The following GMNC variants were observed in gnomAD, a reference collection of about 807,000 sequenced individuals.
GMNC encodes geminin coiled-coil domain containing, also known as geminin coiled-coil domain-containing protein 1.
In GMNC, 16 loss-of-function variants were observed where a neutral mutation model predicts 33.6. The ratio of observed to expected loss-of-function variants is 0.48; its 90% CI spans 0.32 to 0.72. GMNC has a LOEUF of 0.72. Among genes scored for constraint, GMNC ranks in the 30% least tolerant of loss-of-function variants. The pLI, the probability that GMNC is intolerant of heterozygous loss-of-function variation, is 0.03. For missense variants in GMNC, 393 were observed against 388.9 expected (o/e 1.01, Z -0.09); for synonymous variants, 156 against 147.3 (o/e 1.06, Z -0.43).
At position 190,860,776 on chromosome 3, in the gene GMNC, G is replaced by T. The variant is rs920461451; in HGVS notation, c.86C>A (p.Ser29Tyr). ...NCPYSTTTSE[S>Y]SVDVSTETWV... ...AGTCTCCGTGGAAACGTCAACACTA[G>T]ATTCTGACGTTGTAGTGGAATACGG... Residue 29 changes from serine (S) to tyrosine (Y), a missense_variant, in exon 2 of 5, where the codon TCT becomes TAT. By Grantham distance (144) the Ser-to-Tyr change is moderately radical (BLOSUM62 -2). Transcript: ENST00000442080. The T allele has an allele frequency of 3.9e-6, 6 of 1,550,792 alleles. No homozygotes were observed. The highest frequency in any genetic ancestry group is 2.7e-5 in the African/African-American group (2 of 72,986).
intron 4 of GMNC, 88 bp downstream of exon 4, chr3:190,857,695 C>A: frequency 1.4e-6 from 1 of 701,864 alleles, no homozygotes; most frequent in Non-Finnish European, 2.6e-6. Context: ...TCAAGATACA[C>A]TGTTTAATCA....
chr3:190,845,964 A>C, the GMNC span, among the ~76,000 whole-genome samples: 2 of 152,330 alleles, frequency 1.3e-5, no homozygotes, highest in Non-Finnish European at 2.9e-5. Flanking sequence ...ACTGTGGCTC[A>C]TGCCTGTAAT....
At chr3:190,848,178 G>C (rs550863571), downstream of GMNC, among the ~76,000 whole-genome samples, 1 of 152,128 alleles carries the variant, frequency 6.6e-6, no homozygotes, top group Admixed American at 6.5e-5. Context: ...TGACTCTTTT[G>C]GATTTGATAT....
chr3:190,855,825 C>G lies in GMNC; in HGVS notation c.475G>C (p.Glu159Gln), dbSNP rs1271028386. The change falls in exon 5 of 5, where the codon GAG (glutamate) becomes CAG (glutamine). Residue 159 changes from glutamate (E) to glutamine (Q), a missense_variant. Glu to Gln is a conservative substitution (Grantham distance 29). Coordinates refer to ENST00000442080, the MANE Select transcript of GMNC (RefSeq NM_001146686.3). ...KSKEQRYSPA[E>Q]IPHPKNAKRN... Reference sequence around the variant, plus strand: ...TTGGCATTTTTGGGATGGGGAATCTCAGCAGGAGAGTATCTTTGCTCTTTG... The same window carrying G: ...TTGGCATTTTTGGGATGGGGAATCTGAGCAGGAGAGTATCTTTGCTCTTTG... 6.4e-7 allele frequency: 1 copy of G among 1,551,258 alleles called. No homozygotes were observed. The highest frequency in any genetic ancestry group is 1.4e-5 in the African/African-American group (1 of 73,004).
chr3:190,857,626 A>G (rs1226531829), intron 4 of GMNC, among the ~76,000 whole-genome samples, 157 bp downstream of exon 4: 1 of 152,174 alleles, frequency 6.6e-6, no homozygotes, highest in East Asian at 1.9e-4. Context: ...GATAGATAAA[A>G]ATTCTTGTGA....
Position 190,858,918 on chromosome 3 carries a change from TTACACA to T in GMNC, c.267+4_267+9del. 1 of 1,516,590 alleles carries T rather than the reference TTACACA, an allele frequency of 6.6e-7. No homozygotes were observed. The highest frequency in any genetic ancestry group is 9.0e-7 in the Non-Finnish European group (1 of 1,115,652). 93.9% of individuals were successfully genotyped at this position (1,516,590 alleles called of 1,614,324 possible). ...ACATGACCAGTCTCAATGTTCTGAC[TTACACA>T]TACCTGCTTATTTCTGTAGAGCTGA... On this transcript the variant is annotated splice_donor_5th_base_variant and intron_variant, in intron 3 of 4. Coordinates refer to ENST00000442080, the MANE Select transcript of GMNC (RefSeq NM_001146686.3).
Position 190,854,982 on chromosome 3 carries a change from TGTATCTAG to T in GMNC, c.*305_*312del, listed in dbSNP as rs1737699979. 7 of 247,972 alleles carry T rather than the reference TGTATCTAG, an allele frequency of 2.8e-5. No individual in the cohort carries two copies. In the South Asian group the frequency reaches 6.2e-4, roughly 22 times the overall value. 15.4% of individuals were successfully genotyped at this position (247,972 alleles called of 1,614,324 possible). On this transcript the variant is annotated 3_prime_UTR_variant, in exon 5 of 5. Coordinates refer to ENST00000442080, the MANE Select transcript of GMNC (RefSeq NM_001146686.3). ...GTTAAACTGGTTAAAATTGGAAAAA[TGTATCTAG>T]GTCTTAAAGGAATATAGAAGTGAGT...
rs1203592733 is a variant in GMNC, at chr3:190,853,692, G to A, written c.*1603C>T. ...GTGGAAAAGAGAAAAATGAGAACAG[G>A]TTTCAACATGAAAGATTTCATCATT... On this transcript the variant is annotated 3_prime_UTR_variant, in exon 5 of 5. Transcript: ENST00000442080. The A allele has an allele frequency of 6.6e-6, 1 of 151,932 alleles. No homozygotes were observed. The highest frequency in any genetic ancestry group is 1.5e-5 in the Non-Finnish European group (1 of 67,978). The allele number at this position is 151,932 out of a possible 1,614,324, so 9.4% of individuals were successfully genotyped here.
Position 190,855,446 on chromosome 3 carries a change from T to A in GMNC, c.854A>T (p.His285Leu). The A allele has an allele frequency of 1.3e-6, 2 of 1,552,046 alleles. No homozygotes were observed. The highest frequency in any genetic ancestry group is 2.4e-5 in the South Asian group (2 of 84,052). Residue 285 changes from histidine to leucine, a missense_variant, in exon 5 of 5, where the codon CAT becomes CTT. His to Leu is a moderately conservative substitution (Grantham distance 99, BLOSUM62 -3). Coordinates refer to ENST00000442080, the MANE Select transcript of GMNC (RefSeq NM_001146686.3). ...GLKTLPYYTA[H>L]VSPNKTEMAF... ...CATCTCTGTCTTGTTGGGTGACACA[T>A]GAGCAGTATAGTAAGGAAGAGTTTT...
downstream of GMNC, among the ~76,000 whole-genome samples, chr3:190,850,129 T>C (rs1443140866): frequency 1.3e-5 from 2 of 152,210 alleles, no homozygotes; most frequent in African/African-American, 4.8e-5. Flanking sequence ...GAGGATGAAT[T>C]AGGTCCCTTG....
At chr3:190,845,321 T>C in the GMNC span, among the ~76,000 whole-genome samples, 1 of 152,070 alleles carries the variant, frequency 6.6e-6, no homozygotes, top group African/African-American at 2.4e-5. Context: ...AGCAGTGCAT[T>C]AGTCCGTTCC....
At chr3:190,850,387 C>A (rs1180495578), downstream of GMNC, among the ~76,000 whole-genome samples, 1 of 152,200 alleles carries the variant, frequency 6.6e-6, no homozygotes, top group African/African-American at 2.4e-5. Context: ...CCTAAAACAG[C>A]CCGGAGGCTG....
intron 2 of GMNC, among the ~76,000 whole-genome samples, chr3:190,860,012 A>T (rs1357909795): frequency 6.6e-6 from 1 of 152,188 alleles, no homozygotes; most frequent in Non-Finnish European, 1.5e-5. Flanking sequence ...GTGTCTTTTT[A>T]AAAAATAAAA....
chr3:190,855,688 G>A lies in GMNC; in HGVS notation c.612C>T (p.Thr204=). 1.9e-6 allele frequency: 3 copies of A among 1,551,578 alleles called. No individual in the cohort carries two copies. Among genetic ancestry groups the A allele is most frequent in the Non-Finnish European group, 2.6e-6 (3 of 1,146,918 alleles). The change falls in exon 5 of 5, where the codon ACC becomes ACT. Residue 204 remains threonine (T), a synonymous_variant. Coordinates refer to ENST00000442080, the MANE Select transcript of GMNC (RefSeq NM_001146686.3). ...CGAGGGCACTGTAGTTAGCTGATGA[G>A]GTGTCATCGATAGTGTCAAGGTCTT... ...GLKDLDTIDD[T]SSANYSALAS... is the part of the protein sequence containing the mutation.
At position 190,855,545 on chromosome 3, in the gene GMNC, G is replaced by A. The variant is rs1196140083; in HGVS notation, c.755C>T (p.Pro252Leu). 2 of 1,551,624 alleles carry A rather than the reference G, an allele frequency of 1.3e-6. No homozygotes were observed. Among genetic ancestry groups the A allele is most frequent in the South Asian group, 1.2e-5 (1 of 84,062 alleles). Residue 252 changes from proline (P) to leucine (L), a missense_variant, in exon 5 of 5, where the codon CCC becomes CTC. Coordinates refer to ENST00000442080, the MANE Select transcript of GMNC (RefSeq NM_001146686.3). ...PIDYRGDRTT[P>L]LHSTATHGED... ...TCCATGAGTGGCAGTGCTGTGCAAGGGGGTTGTTCTGTCACCTCTATAGTC... is the reference window on the plus strand; with the variant it reads ...TCCATGAGTGGCAGTGCTGTGCAAGAGGGTTGTTCTGTCACCTCTATAGTC...
At position 190,857,846 on chromosome 3, in the gene GMNC, C is replaced by T; in HGVS notation, c.321G>A (p.Glu107=). The T allele has an allele frequency of 1.3e-6, 2 of 1,551,294 alleles. No homozygotes were observed. The highest frequency in any genetic ancestry group is 1.7e-6 in the Non-Finnish European group (2 of 1,146,608). ...KEEELARLHE[E]NNHLRQYLNS... Reference sequence around the variant, plus strand: ...TCAGGTATTGTCTGAGGTGATTATTCTCTTCGTGTAACCTGGCGAGTTCTT... The same window carrying T: ...TCAGGTATTGTCTGAGGTGATTATTTTCTTCGTGTAACCTGGCGAGTTCTT... Residue 107 remains glutamate (E), a synonymous_variant, in exon 4 of 5, where the codon GAG becomes GAA. Coordinates refer to ENST00000442080, the MANE Select transcript of GMNC (RefSeq NM_001146686.3).
At chr3:190,850,968 A>AG (rs1052353043), downstream of GMNC, among the ~76,000 whole-genome samples, 16 of 130,092 alleles carry the variant, frequency 1.2e-4, no homozygotes, top group African/African-American at 4.7e-4. Context: ...GTTTTCTCCA[A>AG]GGAAAAAAAA....
Position 190,857,766 on chromosome 3 carries a change from A to G in GMNC, c.384+17T>C. 3.4e-6 allele frequency: 4 copies of G among 1,180,120 alleles called. No homozygotes were observed. The highest frequency in any genetic ancestry group is 1.5e-5 in the African/African-American group (1 of 65,948). The allele number at this position is 1,180,120 out of a possible 1,614,324, so 73.1% of individuals were successfully genotyped here. ...ACTGCTTTGTTCTTATAAAGTAGATACATACATCATACATACCTTGGCCTT... is the reference window on the plus strand; with the variant it reads ...ACTGCTTTGTTCTTATAAAGTAGATGCATACATCATACATACCTTGGCCTT... On this transcript the variant is annotated intron_variant, in intron 4 of 4. Transcript: ENST00000442080.
intron 2 of GMNC, chr3:190,859,702 C>A: frequency 6.3e-6 from 2 of 319,940 alleles, no homozygotes; most frequent in East Asian, 8.0e-5. Context: ...ATTTGACAGT[C>A]AGCTCTATCT....
Sources: allele counts gnomAD v4.1 joint callset (sites outside exome capture counted in the v4.1 genomes callset), GRCh38; gene constraint gnomAD v4.1.1; transcripts MANE v1.5; gene names NCBI Gene and HGNC (gene_info 2026-07-23, HGNC 2026-07-21).